DHTKD1: variants seen among roughly 807,000 people sequenced by gnomAD.
DHTKD1 encodes dehydrogenase E1 and transketolase domain containing 1, also known as 2-oxoadipate dehydrogenase complex component E1.
DHTKD1 carries 78 observed loss-of-function variants against 101.8 expected under a neutral mutation model. The ratio of observed to expected loss-of-function variants is 0.77; its 90% CI spans 0.64 to 0.93. The LOEUF (loss-of-function observed/expected upper bound fraction) is 0.93, where lower values mean the gene tolerates loss of function less well. Ranked by LOEUF, DHTKD1 falls within the 40% of genes least tolerant of loss-of-function variation. The pLI is 0.00. For missense variants in DHTKD1, 1,223 were observed against 1,161.7 expected (o/e 1.05, Z -0.77); for synonymous variants, 462 against 450.3 (o/e 1.03, Z -0.33).
chr10:12,096,517 C>G (rs1321832662), intron 7 of DHTKD1, among the ~76,000 whole-genome samples: 1 of 152,178 alleles, frequency 6.6e-6, no homozygotes, highest in Non-Finnish European at 1.5e-5. Flanking sequence ...TCCTGAGAAC[C>G]TGGGACTACA....
chr10:12,094,830 G>C (rs1293505985), intron 7 of DHTKD1, among the ~76,000 whole-genome samples: 5 of 151,880 alleles, frequency 3.3e-5, no homozygotes, highest in Non-Finnish European at 7.4e-5. Flanking sequence ...AGTACAGACA[G>C]GGGTTTCGCC....
At chr10:12,074,678 A>G (rs61847984) in intron 1 of DHTKD1, among the ~76,000 whole-genome samples, 67,776 of 149,616 alleles carry the variant, frequency 0.45, 17,199 homozygotes, top group South Asian at 0.71. Context: ...CCAGGCTGGA[A>G]TGCAGTGGCC....
intron 10 of DHTKD1, among the ~76,000 whole-genome samples, chr10:12,104,180 A>ACATCCTTC (rs1197725760): frequency 6.6e-6 from 1 of 152,134 alleles, no homozygotes; most frequent in Non-Finnish European, 1.5e-5. Flanking sequence ...ATGTATCAGT[A>ACATCCTTC]CATCCTTCTT....
chr10:12,089,469 C>T (rs555445397), intron 5 of DHTKD1, among the ~76,000 whole-genome samples: 3 of 152,248 alleles, frequency 2.0e-5, no homozygotes, highest in African/African-American at 7.2e-5. Flanking sequence ...CTTCTGTTTT[C>T]CTTGCATGGC....
intron 7 of DHTKD1, among the ~76,000 whole-genome samples, chr10:12,096,380 C>G (rs753068399): frequency 6.6e-6 from 1 of 152,050 alleles, no homozygotes; most frequent in African/African-American, 2.4e-5. Flanking sequence ...CCTCAGGGTT[C>G]TATTTTATTT....
intron 1 of DHTKD1, among the ~76,000 whole-genome samples, chr10:12,076,234 T>G (rs958897801): frequency 6.6e-6 from 1 of 152,202 alleles, no homozygotes; most frequent in African/African-American, 2.4e-5. Flanking sequence ...TCCCAGCACT[T>G]TGGGAGGCCG....
At chr10:12,116,755 G>T (rs1224679292) in intron 13 of DHTKD1, among the ~76,000 whole-genome samples, 1 of 151,056 alleles carries the variant, frequency 6.6e-6, no homozygotes, top group Non-Finnish European at 1.5e-5. Flanking sequence ...GGAGTGCAGT[G>T]GCATGATCAT....
rs138393196 is a variant in DHTKD1 at position 12,110,644 on chromosome 10, G to A, written c.2155-2256G>A. Among the ~76,000 whole-genome samples the A allele has an allele frequency of 0.011, 1,716 of 152,154 alleles. 15 individuals are homozygous for A. Among genetic ancestry groups the A allele is most frequent in the Admixed American group, 0.022 (337 of 15,234 alleles). ...TCACCTCACATACTCACCATTTTTG[G>A]GGAAGAGAACATTTAAAATCTATCC... On this transcript the variant is annotated intron_variant, in intron 12 of 16. Coordinates refer to ENST00000263035, the MANE Select transcript of DHTKD1 (RefSeq NM_018706.7). This position sits in a 1 kb window ranked among gnomAD's most constrained non-coding sequence, Gnocchi z 4.9.
intron 1 of DHTKD1, among the ~76,000 whole-genome samples, chr10:12,072,120 C>T (rs1456078543): frequency 6.6e-6 from 1 of 152,124 alleles, no homozygotes; most frequent in Non-Finnish European, 1.5e-5. Context: ...AAATAAATGT[C>T]TACATAGGAT....
chr10:12,096,347 TAGC>T (rs1279473755), intron 7 of DHTKD1, among the ~76,000 whole-genome samples: 1 of 152,210 alleles, frequency 6.6e-6, no homozygotes, highest in African/African-American at 2.4e-5. Flanking sequence ...GCTCTGAATT[TAGC>T]AGCTGAATGA....
rs1833535184 is a variant in DHTKD1 at position 12,122,073 on chromosome 10, G to T, written c.*1185G>T. ...GTCTCCCCAACACTAGCAAATCTAG[G>T]TCCTACTAAATACAAATCTCTGGGT... On this transcript the variant is annotated 3_prime_UTR_variant, in exon 17 of 17. Coordinates refer to ENST00000263035, the MANE Select transcript of DHTKD1 (RefSeq NM_018706.7). 6.6e-6 allele frequency: 1 copy of T among 152,094 alleles called. No homozygotes were observed. The highest frequency in any genetic ancestry group is 2.4e-5 in the African/African-American group (1 of 41,420). 9.4% of individuals were successfully genotyped at this position (152,094 alleles called of 1,614,324 possible).
intron 1 of DHTKD1, among the ~76,000 whole-genome samples, chr10:12,074,660 A>G (rs796751917): frequency 6.3e-3 from 19 of 2,996 alleles, no homozygotes; most frequent in African/African-American, 0.019. Flanking sequence ...GGGTCTTGCT[A>G]TGTTGCCCCA....
At chr10:12,101,535 T>A (rs941257332) in intron 10 of DHTKD1, among the ~76,000 whole-genome samples, 1 of 152,182 alleles carries the variant, frequency 6.6e-6, no homozygotes, top group Non-Finnish European at 1.5e-5. Context: ...GATAGCAAAA[T>A]CGCACATCCT....
At chr10:12,106,433 T>G (rs746577728) in intron 11 of DHTKD1, 37 bp downstream of exon 11, 2 of 1,609,582 alleles carry the variant, frequency 1.2e-6, no homozygotes, top group South Asian at 1.1e-5. Flanking sequence ...CAGGTGGGGG[T>G]CCCTGCGTGG....
At chr10:12,102,804 C>T (rs1833190955) in intron 10 of DHTKD1, among the ~76,000 whole-genome samples, 1 of 152,172 alleles carries the variant, frequency 6.6e-6, no homozygotes, top group African/African-American at 2.4e-5. Flanking sequence ...TCTAGGCTCA[C>T]TGCAACCTCT....
chr10:12,101,512 T>C (rs1332086233), intron 10 of DHTKD1, among the ~76,000 whole-genome samples: 1 of 152,248 alleles, frequency 6.6e-6, no homozygotes, highest in Non-Finnish European at 1.5e-5. Flanking sequence ...TCAGTATTCC[T>C]TGCCTACTTA....
chr10:12,108,094 C>A, intron 12 of DHTKD1, 79 bp downstream of exon 12: 2 of 1,017,382 alleles, frequency 2.0e-6, no homozygotes, highest in Non-Finnish European at 3.0e-6. Context: ...GATAGCTTAA[C>A]GCCCACCTAA....
chr10:12,071,501 G>A (rs1056313835), intron 1 of DHTKD1, among the ~76,000 whole-genome samples: 1 of 152,158 alleles, frequency 6.6e-6, no homozygotes, highest in Non-Finnish European at 1.5e-5. Flanking sequence ...GCCGGGCGCG[G>A]TGGCTCATGC....
At chr10:12,070,987 T>A (rs1832642703) in intron 1 of DHTKD1, among the ~76,000 whole-genome samples, 1 of 152,170 alleles carries the variant, frequency 6.6e-6, no homozygotes, top group African/African-American at 2.4e-5. Context: ...ACCAAATGTT[T>A]TGTCCTGTAG....
Sources: gnomAD v4.1 joint callset for allele counts (sites outside exome capture counted in the v4.1 genomes callset) on GRCh38, gnomAD v4.1.1 for gene constraint, Gnocchi (gnomAD v3.1) non-coding constraint, MANE v1.5 for transcripts, NCBI Gene and HGNC (gene_info 2026-07-23, HGNC 2026-07-21) for gene names.